Variants in DRC1 observed in about 807,000 individuals in gnomAD.
DRC1 encodes dynein regulatory complex subunit 1.
A neutral mutation model predicts 98.7 loss-of-function variants in DRC1; 74 were observed. That is an observed-to-expected ratio of 0.75 (90% confidence interval 0.62 to 0.91). The LOEUF is 0.91. Among genes scored for constraint, DRC1 ranks in the 40% least tolerant of loss-of-function variants. DRC1 has a pLI of 0.00. For synonymous variants in DRC1, 336 were observed against 334.1 expected, an observed-to-expected ratio of 1.01 and a Z score of -0.06; for missense variants, 875 against 886.0, an observed-to-expected ratio of 0.99 and a Z score of 0.16.
intron 2 of DRC1, among the ~76,000 whole-genome samples, chr2:26,416,740 G>A (rs1226187228): frequency 6.6e-6 from 1 of 152,084 alleles, no homozygotes; most frequent in Admixed American, 6.6e-5. Flanking sequence ...GTGTGAGTTC[G>A]TTTCTACATT....
Position 26,446,830 on chromosome 2 carries a change from C to T in DRC1, c.1397-1861C>T, listed in dbSNP as rs146240211. On this transcript the variant is annotated intron_variant, in intron 10 of 16. Transcript: ENST00000288710. Reference sequence around the variant, plus strand: ...CCTGGAGCCAGGTGCGATGGCTCACCCCTGTAATCCCAGCACTTTGGGAGG... The same window carrying T: ...CCTGGAGCCAGGTGCGATGGCTCACTCCTGTAATCCCAGCACTTTGGGAGG... Among the ~76,000 whole-genome samples the T allele has an allele frequency of 3.6e-3, 545 of 152,084 alleles. 6 individuals carry two copies. The highest frequency in any genetic ancestry group is 0.012 in the African/African-American group (511 of 41,524).
chr2:26,417,301 C>T (rs368431759), intron 2 of DRC1, among the ~76,000 whole-genome samples: 55 of 151,854 alleles, frequency 3.6e-4, no homozygotes, highest in South Asian at 2.1e-3. Flanking sequence ...TGTGTTCTTC[C>T]GGATTGTCTT....
chr2:26,431,800 G>A, intron 6 of DRC1, 84 bp from the exon 7 acceptor site: 2 of 1,572,904 alleles, frequency 1.3e-6, no homozygotes. Flanking sequence ...ACTCTCCCCT[G>A]TGTCATGCTG....
At chr2:26,449,703 C>T (rs1335636231) in intron 11 of DRC1, among the ~76,000 whole-genome samples, 1 of 152,138 alleles carries the variant, frequency 6.6e-6, no homozygotes, top group Non-Finnish European at 1.5e-5. Context: ...CAGGAGTTTG[C>T]CTAGTGGCTT....
At chr2:26,435,819 A>G (rs1312074142) in intron 7 of DRC1, among the ~76,000 whole-genome samples, 1 of 151,450 alleles carries the variant, frequency 6.6e-6, no homozygotes, top group African/African-American at 2.4e-5. Flanking sequence ...ATAATATTCC[A>G]TGGTGTATAC....
intron 2 of DRC1, among the ~76,000 whole-genome samples, chr2:26,414,703 C>A (rs995194291): frequency 6.6e-6 from 1 of 152,194 alleles, no homozygotes; most frequent in Non-Finnish European, 1.5e-5. Context: ...GCGCTCAAGG[C>A]CTTTGGTAGT....
chr2:26,455,095 A>G, intron 15 of DRC1, 36 bp from the exon 16 acceptor site: 2 of 1,610,278 alleles, frequency 1.2e-6, no homozygotes, highest in Non-Finnish European at 1.7e-6. Flanking sequence ...AGGATGGAGG[A>G]TTCAGTGAGC....
At chr2:26,402,178 C>T in intron 1 of DRC1, 34 bp downstream of exon 1, 2 of 1,532,600 alleles carry the variant, frequency 1.3e-6, no homozygotes, top group Non-Finnish European at 1.7e-6. Context: ...GGGATCCGCG[C>T]CGCAGGAGCC....
chr2:26,430,954 C>G, intron 6 of DRC1, 82 bp downstream of exon 6: 5 of 424,506 alleles, frequency 1.2e-5, no homozygotes, highest in Non-Finnish European at 1.9e-5. Flanking sequence ...TAGCCTTTTT[C>G]TATCTTTTTT....
chr2:26,414,601 C>G (rs1016846053), intron 2 of DRC1, among the ~76,000 whole-genome samples, 170 bp downstream of exon 2: 1 of 152,186 alleles, frequency 6.6e-6, no homozygotes, highest in Non-Finnish European at 1.5e-5. Flanking sequence ...TTTCAGATGA[C>G]AGTTTCTTAT....
chr2:26,404,365 T>A (rs1678352841), intron 1 of DRC1, among the ~76,000 whole-genome samples: 1 of 152,188 alleles, frequency 6.6e-6, no homozygotes, highest in Non-Finnish European at 1.5e-5. Flanking sequence ...TGATTATTTT[T>A]CCTGATTGAG....
At chr2:26,415,392 T>C (rs931110012) in intron 2 of DRC1, among the ~76,000 whole-genome samples, 3 of 152,136 alleles carry the variant, frequency 2.0e-5, no homozygotes, top group Non-Finnish European at 2.9e-5. Context: ...CTTAGAAATA[T>C]AGGTGGGAAT....
At position 26,444,753 on chromosome 2, in the gene DRC1, A is replaced by G; in HGVS notation, c.1201A>G (p.Ile401Val). 1 of 1,613,982 alleles carries G rather than the reference A, an allele frequency of 6.2e-7. No individual in the cohort carries two copies. Among genetic ancestry groups the G allele is most frequent in the South Asian group, 1.1e-5 (1 of 91,058 alleles). ...ALIDDEKFWEIWLMNEEEAKD... is the reference protein window; with the variant it reads ...ALIDDEKFWEVWLMNEEEAKD... ...TATTGATGATGAGAAGTTTTGGGAG[A>G]TTTGGCTGATGAATGAAGAGGAGGC... is the stretch of plus-strand genomic sequence containing the variant. Residue 401 changes from isoleucine (I) to valine (V), a missense_variant, in exon 10 of 17, where the codon ATT becomes GTT. Ile to Val is a conservative substitution (Grantham distance 29). Coordinates refer to ENST00000288710, the MANE Select transcript of DRC1 (RefSeq NM_145038.5).
chr2:26,439,948 TACACAC>T (rs201091945), intron 7 of DRC1, among the ~76,000 whole-genome samples: 3 of 124,836 alleles, frequency 2.4e-5, no homozygotes, highest in African/African-American at 6.0e-5. Flanking sequence ...CACACACACA[TACACAC>T]ACACACACAT....
At chr2:26,420,794 C>T (rs1663118911) in intron 2 of DRC1, among the ~76,000 whole-genome samples, 1 of 140,648 alleles carries the variant, frequency 7.1e-6, no homozygotes, top group Non-Finnish European at 1.5e-5. Context: ...GATAGGGTCT[C>T]ACTTTGTTGC....
chr2:26,444,292 C>G lies in DRC1; in HGVS notation c.1099C>G (p.Gln367Glu). The change falls in exon 9 of 17, where the codon CAG (glutamine) becomes GAG (glutamate). Residue 367 changes from glutamine to glutamate, a missense_variant. Gln to Glu is a conservative substitution (Grantham distance 29). Transcript: ENST00000288710. ...KQIKQFQEEN[Q>E]SLTSDYKRLV... Reference sequence around the variant, plus strand: ...AATAAAGCAGTTTCAGGAGGAGAACCAGTCTCTAACCTCGGACTACAAACG... The same window carrying G: ...AATAAAGCAGTTTCAGGAGGAGAACGAGTCTCTAACCTCGGACTACAAACG... The G allele has an allele frequency of 6.2e-7, 1 of 1,614,188 alleles. No homozygotes were observed. Among genetic ancestry groups the G allele is most frequent in the East Asian group, 2.2e-5 (1 of 44,884 alleles).
At chr2:26,418,963 A>T (rs1678949299) in intron 2 of DRC1, among the ~76,000 whole-genome samples, 1 of 149,134 alleles carries the variant, frequency 6.7e-6, no homozygotes, top group Admixed American at 6.9e-5. Context: ...ATCTCAGCTC[A>T]CTGCAACCTC....
At position 26,454,496 on chromosome 2, in the gene DRC1, G is replaced by C. The variant is rs1341758937; in HGVS notation, c.1920-151G>C. 2 of 1,137,010 alleles carry C rather than the reference G, an allele frequency of 1.8e-6. No individual in the cohort carries two copies. Among genetic ancestry groups the C allele is most frequent in the African/African-American group, 3.1e-5 (2 of 65,008 alleles). 70.4% of individuals were successfully genotyped at this position (1,137,010 alleles called of 1,614,324 possible). A position where few individuals can be genotyped will look rare whatever the true frequency, so the allele number is the denominator to read the frequency against. On this transcript the variant is annotated intron_variant, in intron 14 of 16. Transcript: ENST00000288710. This position sits in a 1 kb window ranked among gnomAD's most constrained non-coding sequence, Gnocchi z 5.2. ...GCAGGAACGTTGACAATAAGCATGC[G>C]TCCTTTCTGAGAACCTGCCACCGTC...
Position 26,417,302 on chromosome 2 carries a change from G to A in DRC1, c.243+2871G>A, listed in dbSNP as rs1455195918. ...GTAAGTTCTCTAACTGTGTTCTTCC[G>A]GATTGTCTTGGCTACTTGGCTATTC... On this transcript the variant is annotated intron_variant, in intron 2 of 16. Transcript: ENST00000288710. 4.0e-5 allele frequency among the ~76,000 whole-genome samples: 6 copies of A among 151,862 alleles called. No homozygotes were observed. In the East Asian group the frequency reaches 5.8e-4, roughly 15 times the overall value.
Sources: allele counts gnomAD v4.1 joint callset (sites outside exome capture counted in the v4.1 genomes callset), GRCh38; gene constraint gnomAD v4.1.1; non-coding constraint Gnocchi (gnomAD v3.1); transcripts MANE v1.5; gene names NCBI Gene and HGNC (gene_info 2026-07-23, HGNC 2026-07-21).